ADGRB3: variants seen among roughly 807,000 people sequenced by gnomAD.
ADGRB3 encodes brain-specific angiogenesis inhibitor 3.
A neutral mutation model predicts 193.4 loss-of-function variants in ADGRB3; 37 were observed. The ratio of observed to expected loss-of-function variants is 0.19; its 90% CI spans 0.15 to 0.25. The LOEUF (loss-of-function observed/expected upper bound fraction) is 0.25. Among genes scored for constraint, ADGRB3 ranks in the 10% least tolerant of loss-of-function variants. ADGRB3 has a pLI of 1.00. For missense variants in ADGRB3, 1,637 were observed against 1,852.9 expected (o/e 0.88, Z 2.14); for synonymous variants, 690 against 644.2 (o/e 1.07, Z -1.08).
intron 3 of ADGRB3, among the ~76,000 whole-genome samples, chr6:68,653,104 A>G (rs1035426847): frequency 2.0e-5 from 3 of 152,190 alleles, no homozygotes; most frequent in African/African-American, 7.2e-5. Flanking sequence ...TTGCTGGAGT[A>G]AGACTGTGAA....
intron 8 of ADGRB3, among the ~76,000 whole-genome samples, chr6:68,957,883 G>C (rs906251985): frequency 2.0e-5 from 3 of 152,040 alleles, no homozygotes; most frequent in African/African-American, 7.2e-5. Context: ...ATGTCAGTTG[G>C]AGTTTTGTGG....
intron 20 of ADGRB3, among the ~76,000 whole-genome samples, chr6:69,304,587 T>TTA (rs1389620805): frequency 6.6e-6 from 1 of 151,616 alleles, no homozygotes; most frequent in Non-Finnish European, 1.5e-5. Context: ...TCTTTGACAG[T>TTA]TATATTTTGT....
rs930061562 is a variant in ADGRB3 at position 68,907,778 on chromosome 6, T to A, written c.758-22781T>A. ...CAGATAAGTTATTTTGCCTTATGGT[T>A]ATTTTTAACCATGTTTGCCAGATGT... On this transcript the variant is annotated intron_variant, in intron 3 of 31. Coordinates refer to ENST00000370598, the MANE Select transcript of ADGRB3 (RefSeq NM_001704.3). Among the ~76,000 whole-genome samples the A allele has an allele frequency of 3.3e-5, 5 of 152,120 alleles. No individual in the cohort carries two copies. In the South Asian group the frequency reaches 1.0e-3, roughly 32 times the overall value.
At chr6:68,998,466 A>G (rs1334299428) in intron 11 of ADGRB3, among the ~76,000 whole-genome samples, 1 of 152,230 alleles carries the variant, frequency 6.6e-6, no homozygotes. Flanking sequence ...GCATGGCTGA[A>G]TCCCAAAAGT....
intron 20 of ADGRB3, among the ~76,000 whole-genome samples, chr6:69,280,780 G>T (rs924306898): frequency 6.6e-6 from 1 of 151,934 alleles, no homozygotes; most frequent in Non-Finnish European, 1.5e-5. Context: ...CTATCCTGTA[G>T]CTCTAAACAG....
intron 3 of ADGRB3, among the ~76,000 whole-genome samples, chr6:68,809,413 G>A (rs1330635432): frequency 6.6e-6 from 1 of 152,202 alleles, no homozygotes; most frequent in Non-Finnish European, 1.5e-5. Context: ...ATCTATCGAT[G>A]TTGGAATGTA....
At chr6:69,382,765 A>T in intron 30 of ADGRB3, 66 bp from the exon 31 acceptor site, 1 of 1,215,704 alleles carries the variant, frequency 8.2e-7, no homozygotes, top group Non-Finnish European at 1.1e-6. Context: ...CAAAAATATT[A>T]AATCTCTCTT....
At chr6:69,282,732 A>G (rs189223279) in intron 20 of ADGRB3, among the ~76,000 whole-genome samples, 44 of 152,326 alleles carry the variant, frequency 2.9e-4, no homozygotes, top group African/African-American at 9.1e-4. Context: ...GGGTGGGAAC[A>G]TGCATAACAA....
At chr6:68,887,780 A>G (rs906837396) in intron 3 of ADGRB3, among the ~76,000 whole-genome samples, 1 of 152,186 alleles carries the variant, frequency 6.6e-6, no homozygotes, top group Non-Finnish European at 1.5e-5. Context: ...AGTGTATACA[A>G]CAAAATATTT....
chr6:69,294,642 G>A (rs1380559397), intron 20 of ADGRB3, among the ~76,000 whole-genome samples: 3 of 152,042 alleles, frequency 2.0e-5, no homozygotes, highest in Non-Finnish European at 4.4e-5. Context: ...TACACATATG[G>A]TACTTATATA....
At chr6:68,711,710 C>T (rs145937064) in intron 3 of ADGRB3, among the ~76,000 whole-genome samples, 2 of 152,180 alleles carry the variant, frequency 1.3e-5, no homozygotes, top group East Asian at 1.9e-4. Flanking sequence ...CAAAAGCATG[C>T]TTGATGGTCC....
intron 17 of ADGRB3, among the ~76,000 whole-genome samples, chr6:69,118,945 C>A (rs1383691538): frequency 6.6e-6 from 1 of 152,012 alleles, no homozygotes; most frequent in Non-Finnish European, 1.5e-5. Flanking sequence ...GATAAATATG[C>A]TGTAAAAGAA....
intron 17 of ADGRB3, among the ~76,000 whole-genome samples, chr6:69,185,143 G>C (rs909132195): frequency 6.6e-6 from 1 of 151,988 alleles, no homozygotes; most frequent in Non-Finnish European, 1.5e-5. Context: ...GTAGGAACAA[G>C]GGAAATAAGT....
intron 3 of ADGRB3, among the ~76,000 whole-genome samples, chr6:68,694,691 C>T (rs990332631): frequency 1.3e-5 from 2 of 151,944 alleles, no homozygotes; most frequent in Non-Finnish European, 2.9e-5. Flanking sequence ...CTCTTGTCTC[C>T]AGCCTACATT....
At chr6:69,219,461 G>GTATATATA (rs3839475) in intron 17 of ADGRB3, among the ~76,000 whole-genome samples, 2,322 of 98,644 alleles carry the variant, frequency 0.024, 103 homozygotes, top group Non-Finnish European at 0.033. Context: ...ACACACACAC[G>GTATATATA]TATATATATA....
At chr6:68,897,889 A>G (rs79841263) in intron 3 of ADGRB3, among the ~76,000 whole-genome samples, 1 of 149,382 alleles carries the variant, frequency 6.7e-6, no homozygotes, top group Admixed American at 6.7e-5. Context: ...AGAAAGAAAA[A>G]AGAAAAGCAG....
At chr6:68,772,887 AAAAAAAAATATATATATATATATAT>A (rs1400593011) in intron 3 of ADGRB3, among the ~76,000 whole-genome samples, 1,024 of 48,276 alleles carry the variant, frequency 0.021, 31 homozygotes, top group Non-Finnish European at 0.029. Flanking sequence ...ACAAACAAAA[AAAAAAAAATATATATATATATATAT>A]ATATATATAT....
intron 20 of ADGRB3, among the ~76,000 whole-genome samples, chr6:69,256,411 T>C (rs1362542610): frequency 6.6e-6 from 1 of 152,184 alleles, no homozygotes; most frequent in Non-Finnish European, 1.5e-5. Flanking sequence ...CTTGAAGAGG[T>C]CCTTCACGTC....
At chr6:68,963,536 T>C (rs1449699809) in intron 8 of ADGRB3, among the ~76,000 whole-genome samples, 1 of 152,166 alleles carries the variant, frequency 6.6e-6, no homozygotes, top group Non-Finnish European at 1.5e-5. Flanking sequence ...CTCATCCTAC[T>C]CATTTATGAT....
Sources: gnomAD v4.1 joint callset for allele counts (sites outside exome capture counted in the v4.1 genomes callset) on GRCh38, gnomAD v4.1.1 for gene constraint, MANE v1.5 for transcripts, NCBI Gene and HGNC (gene_info 2026-07-23, HGNC 2026-07-21) for gene names.